The following DNAJC19 variants were observed in gnomAD, a reference collection of about 807,000 sequenced individuals.
DNAJC19 encodes the protein DnaJ heat shock protein family (Hsp40) member C19.
A neutral mutation model predicts 19.8 loss-of-function variants in DNAJC19; 15 were observed. The ratio of observed to expected loss-of-function variants is 0.76; its 90% CI spans 0.51 to 1.17. The LOEUF is 1.17. Among genes scored for constraint, DNAJC19 ranks in the 50% most tolerant of loss-of-function variants. DNAJC19 has a pLI of 0.00. For synonymous variants in DNAJC19, 38 were observed against 42.1 expected (o/e 0.90, Z 0.38); for missense variants, 105 against 140.9 (o/e 0.75, Z 1.29).
At chr3:180,988,410 T>A (rs545187291) in intron 1 of DNAJC19, among the ~76,000 whole-genome samples, 181 bp from the exon 2 acceptor site, 5 of 151,074 alleles carry the variant, frequency 3.3e-5, no homozygotes, top group East Asian at 1.9e-4. Context: ...AGGCTGGTCT[T>A]GAACTCCTGG....
At chr3:180,987,426 T>G (rs1357833451) in intron 3 of DNAJC19, 1 of 266,006 alleles carries the variant, frequency 3.8e-6, no homozygotes, top group Non-Finnish European at 7.2e-6. Flanking sequence ...CTTTAAGATA[T>G]ATATACAGAA....
chr3:180,984,223 C>T lies in DNAJC19; in HGVS notation c.*417G>A. The T allele has an allele frequency of 2.2e-6, 1 of 454,120 alleles. No homozygotes were observed. 28.1% of individuals were successfully genotyped at this position (454,120 alleles called of 1,614,324 possible). ...GCCTGTACCTGGAACAGCCTTTCCA[C>T]CGAATAAGAAGAGTCCCTACTTAAA... On this transcript the variant is annotated 3_prime_UTR_variant, in exon 6 of 6. Coordinates refer to ENST00000382564, the MANE Select transcript of DNAJC19 (RefSeq NM_145261.4).
chr3:180,987,081 G>A, intron 3 of DNAJC19, 59 bp from the exon 4 acceptor site: 1 of 1,471,746 alleles, frequency 6.8e-7, no homozygotes, highest in Admixed American at 1.7e-5. Flanking sequence ...CTTTAAAAAA[G>A]ACGTCTGGAA....
Position 180,985,859 on chromosome 3 carries a change from T to G in DNAJC19, c.280+67A>C, listed in dbSNP as rs1031897956. The G allele has an allele frequency of 2.9e-6, 4 of 1,363,742 alleles. No individual in the cohort carries two copies. In the Admixed American group the frequency reaches 5.1e-5, roughly 17 times the overall value. The allele number at this position is 1,363,742 out of a possible 1,614,324, so 84.5% of individuals were successfully genotyped here. ...CTTTCTAATAGCCAGGAATTTGAGA[T>G]AAAATTATCCCATTAATAACTATTG... On this transcript the variant is annotated intron_variant, in intron 5 of 5. Transcript: ENST00000382564.
chr3:180,989,526 A>C, intron 1 of DNAJC19, 74 bp downstream of exon 1: 11 of 1,553,792 alleles, frequency 7.1e-6, no homozygotes, highest in Non-Finnish European at 9.6e-6. Context: ...CTTCAACTCC[A>C]CACCTCCGAG....
intron 1 of DNAJC19, 53 bp downstream of exon 1, chr3:180,989,547 G>C (rs1445880662): frequency 1.9e-6 from 3 of 1,561,574 alleles, no homozygotes; most frequent in South Asian, 2.4e-5. Context: ...GCGGGGAGCT[G>C]AGGTTGAGGC....
intron 3 of DNAJC19, chr3:180,987,266 A>C (rs890947741): frequency 1.9e-6 from 1 of 519,644 alleles, no homozygotes; most frequent in African/African-American, 1.9e-5. Context: ...TAGAAATATA[A>C]GACAAAATAA....
At position 180,985,915 on chromosome 3, in the gene DNAJC19, T is replaced by C; in HGVS notation, c.280+11A>G. 6.2e-7 allele frequency: 1 copy of C among 1,610,928 alleles called. No individual in the cohort carries two copies. Among genetic ancestry groups the C allele is most frequent in the Middle Eastern group, 1.7e-4 (1 of 6,054 alleles). ...ACCAACAACATCAACGAGAATTTAA[T>C]GACTACTTACCTTTGTCAGGATGAT... On this transcript the variant is annotated intron_variant, in intron 5 of 5. Transcript: ENST00000382564.
At chr3:180,985,450 C>G (rs2108507591) in intron 5 of DNAJC19, 1 of 166,092 alleles carries the variant, frequency 6.0e-6, no homozygotes, top group Non-Finnish European at 1.3e-5. Flanking sequence ...AAAGCCCTCT[C>G]CTGTATAAGT....
At position 180,987,003 on chromosome 3, in the gene DNAJC19, T is replaced by C. The variant is rs1577025087; in HGVS notation, c.149A>G (p.Tyr50Cys). The stretch of plus-strand genomic sequence containing the variant: ...CATTTTGGGTTCAAACCCACCTCTA[T>C]AATAGCCACCACTGAAGGCCTGAAA... ...LPKSAFSGGY[Y>C]RGGFEPKMTK... Residue 50 changes from tyrosine (Y) to cysteine (C), a missense_variant, in exon 4 of 6, where the codon TAT becomes TGT. By Grantham distance (194) the Tyr-to-Cys change is radical. Coordinates refer to ENST00000382564, the MANE Select transcript of DNAJC19 (RefSeq NM_145261.4). The C allele has an allele frequency of 6.2e-7, 1 of 1,613,960 alleles. No homozygotes were observed. The highest frequency in any genetic ancestry group is 8.5e-7 in the Non-Finnish European group (1 of 1,179,904).
intron 3 of DNAJC19, chr3:180,987,506 TTC>T: frequency 3.9e-6 from 1 of 256,182 alleles, no homozygotes; most frequent in Non-Finnish European, 7.6e-6. Context: ...AATCACTCTA[TTC>T]TGTTACACTT....
chr3:180,987,758 A>C, intron 3 of DNAJC19: 1 of 499,744 alleles, frequency 2.0e-6, no homozygotes, highest in Non-Finnish European at 3.6e-6. Context: ...ATGATGCTGA[A>C]GGTGATGGTA....
intron 1 of DNAJC19, 165 bp downstream of exon 1, chr3:180,989,435 G>A (rs1220349243): frequency 4.8e-6 from 7 of 1,469,800 alleles, no homozygotes; most frequent in East Asian, 2.5e-5. Context: ...CCAAGAGAGC[G>A]AGCCAACAGG....
At chr3:180,988,701 C>A (rs149240068) in intron 1 of DNAJC19, among the ~76,000 whole-genome samples, 2 of 152,014 alleles carry the variant, frequency 1.3e-5, no homozygotes, top group African/African-American at 4.8e-5. Flanking sequence ...CATTAAAGTT[C>A]AATCAAAAGT....
chr3:180,988,121 G>A, intron 2 of DNAJC19, 25 bp from the exon 3 acceptor site: 10 of 1,614,114 alleles, frequency 6.2e-6, no homozygotes, highest in Non-Finnish European at 8.5e-6. Flanking sequence ...AACAGAATAA[G>A]TAAACTAAAT....
At chr3:180,986,709 AAAAAAG>A (rs2108508639) in intron 4 of DNAJC19, 1 of 522,462 alleles carries the variant, frequency 1.9e-6, no homozygotes, top group East Asian at 3.2e-5. Context: ...ACACTCTAGG[AAAAAAG>A]AAAAAGTGCT....
intron 4 of DNAJC19, among the ~76,000 whole-genome samples, chr3:180,986,434 A>AT (rs935106697): frequency 1.3e-5 from 2 of 152,118 alleles, no homozygotes; most frequent in African/African-American, 2.4e-5. Context: ...GGTGTGTGCC[A>AT]TTACGCCTGG....
At position 180,984,052 on chromosome 3, in the gene DNAJC19, T is replaced by C. The variant is rs1714761204; in HGVS notation, c.*588A>G. The C allele has an allele frequency of 2.2e-6, 1 of 453,932 alleles. No homozygotes were observed. Among genetic ancestry groups the C allele is most frequent in the Admixed American group, 2.4e-5 (1 of 42,542 alleles). 28.1% of individuals were successfully genotyped at this position (453,932 alleles called of 1,614,324 possible). ...CTGTACTCTGAAATCTTTATCATAC[T>C]ATTTTTAATGCATGAAATAAAAATG... On this transcript the variant is annotated 3_prime_UTR_variant, in exon 6 of 6. Coordinates refer to ENST00000382564, the MANE Select transcript of DNAJC19 (RefSeq NM_145261.4).
chr3:180,988,311 A>G, intron 1 of DNAJC19, 82 bp from the exon 2 acceptor site: 1 of 1,462,072 alleles, frequency 6.8e-7, no homozygotes, highest in Non-Finnish European at 9.5e-7. Context: ...TCCCCAACTC[A>G]TTACAAACTG....
Sources: gnomAD v4.1 joint callset for allele counts (sites outside exome capture counted in the v4.1 genomes callset) on GRCh38, gnomAD v4.1.1 for gene constraint, MANE v1.5 for transcripts, NCBI Gene and HGNC (gene_info 2026-07-23, HGNC 2026-07-21) for gene names.